SDK1: variants seen among roughly 807,000 people sequenced by gnomAD.
The protein encoded by SDK1 is sidekick cell adhesion molecule 1, also known as protein sidekick-1.
In SDK1, 157 loss-of-function variants were observed where a neutral mutation model predicts 245.5. The observed-to-expected ratio is 0.64, with a 90% confidence interval of 0.56 to 0.73. The LOEUF (loss-of-function observed/expected upper bound fraction) is 0.73. Among genes scored for constraint, SDK1 ranks in the 30% least tolerant of loss-of-function variants. The probability of loss-of-function intolerance (pLI) is 0.00; values close to 1 mark genes in which losing one functional copy is unlikely to be tolerated. For missense variants in SDK1, 3,583 were observed against 3,002.3 expected (o/e 1.19, Z -4.52); for synonymous variants, 1,647 against 1,278.5 (o/e 1.29, Z -6.15).
At chr7:4,054,662 G>A (rs1779093224) in intron 19 of SDK1, among the ~76,000 whole-genome samples, 1 of 152,044 alleles carries the variant, frequency 6.6e-6, no homozygotes, top group Non-Finnish European at 1.5e-5. Context: ...CTAGTACTAT[G>A]CTGAATAAGA....
At chr7:4,185,726 A>T (rs1007348112) in intron 35 of SDK1, among the ~76,000 whole-genome samples, 7 of 152,136 alleles carry the variant, frequency 4.6e-5, no homozygotes, top group African/African-American at 1.7e-4. Context: ...TTTCTCTCTG[A>T]GTTCCATGAG....
At chr7:3,379,441 G>A (rs960489011) in intron 1 of SDK1, among the ~76,000 whole-genome samples, 2 of 152,196 alleles carry the variant, frequency 1.3e-5, no homozygotes, top group Admixed American at 6.5e-5. Flanking sequence ...AAGAAAAGGA[G>A]TGACTCAGTG....
At chr7:3,612,021 C>G (rs1268457668) in intron 1 of SDK1, among the ~76,000 whole-genome samples, 1 of 152,102 alleles carries the variant, frequency 6.6e-6, no homozygotes, top group East Asian at 1.9e-4. Context: ...ATTGTATCTT[C>G]TCACTCCTAA....
intron 40 of SDK1, among the ~76,000 whole-genome samples, chr7:4,231,019 G>A (rs1157704911): frequency 6.6e-6 from 1 of 152,098 alleles, no homozygotes; most frequent in Admixed American, 6.5e-5. Flanking sequence ...GGAGGAGGGG[G>A]CAACAGTTCT....
intron 1 of SDK1, among the ~76,000 whole-genome samples, chr7:3,453,729 C>T (rs1038316385): frequency 1.3e-5 from 2 of 149,180 alleles, no homozygotes; most frequent in South Asian, 2.1e-4. Context: ...ACAGGTGCAC[C>T]ACCATGTCTG....
At chr7:3,951,145 TC>T in intron 6 of SDK1, 111 bp downstream of exon 6, 1 of 814,054 alleles carries the variant, frequency 1.2e-6, no homozygotes, top group Admixed American at 2.1e-5. Flanking sequence ...GCGACAGTGG[TC>T]TTGTTTGGCC....
chr7:3,317,775 T>A (rs1779699801), intron 1 of SDK1, among the ~76,000 whole-genome samples: 1 of 152,252 alleles, frequency 6.6e-6, no homozygotes, highest in African/African-American at 2.4e-5. Flanking sequence ...GGATGCTTGA[T>A]TAAAATAAGT....
rs766210547 is a variant in SDK1 at position 4,050,714 on chromosome 7, G to T, written c.2719-924G>T. Among the ~76,000 whole-genome samples, 44 of 152,016 alleles carry T rather than the reference G, an allele frequency of 2.9e-4. 1 individual carries two copies. The highest frequency in any genetic ancestry group is 3.4e-3 in the Middle Eastern group (1 of 294). On this transcript the variant is annotated intron_variant, in intron 18 of 44. Coordinates refer to ENST00000404826, the MANE Select transcript of SDK1 (RefSeq NM_152744.4). Reference sequence around the variant, plus strand: ...TGTGATATAAATTATAAATAATTAAGATTATTGCTGTTGAATCATGGATGT... The same window carrying T: ...TGTGATATAAATTATAAATAATTAATATTATTGCTGTTGAATCATGGATGT...
chr7:3,987,426 T>G, intron 14 of SDK1, 104 bp downstream of exon 14: 1 of 1,171,878 alleles, frequency 8.5e-7, no homozygotes. Context: ...AAACAACTAC[T>G]AAAATGCTGT....
chr7:3,933,583 C>G (rs1260921480), intron 5 of SDK1, among the ~76,000 whole-genome samples: 1 of 152,176 alleles, frequency 6.6e-6, no homozygotes, highest in African/African-American at 2.4e-5. Context: ...AGATTTTCTT[C>G]CTCAGAGTTC....
chr7:4,085,057 G>A (rs1008580728), intron 22 of SDK1, among the ~76,000 whole-genome samples: 6 of 151,984 alleles, frequency 3.9e-5, no homozygotes, highest in Admixed American at 1.3e-4. Context: ...AGCCCACTGC[G>A]CCCAGCCTAA....
At chr7:3,994,657 A>G (rs969432305) in intron 14 of SDK1, among the ~76,000 whole-genome samples, 5 of 151,856 alleles carry the variant, frequency 3.3e-5, no homozygotes, top group African/African-American at 7.3e-5. Context: ...AAAAAAAAAA[A>G]AGAGAAAAAC....
Position 3,862,109 on chromosome 7 carries a change from A to G in SDK1, c.847+40526A>G, listed in dbSNP as rs148367917. 7.7e-3 allele frequency among the ~76,000 whole-genome samples: 1,174 copies of G among 152,338 alleles called. 4 individuals are homozygous for G. The highest frequency in any genetic ancestry group is 0.012 in the Non-Finnish European group (808 of 68,034). ...TTTCCTGCAGAAACATCTCATTTGAATTACTACATGGACAGATCCATCTAC... is the reference window on the plus strand; with the variant it reads ...TTTCCTGCAGAAACATCTCATTTGAGTTACTACATGGACAGATCCATCTAC... On this transcript the variant is annotated intron_variant, in intron 5 of 44. Coordinates refer to ENST00000404826, the MANE Select transcript of SDK1 (RefSeq NM_152744.4).
intron 2 of SDK1, among the ~76,000 whole-genome samples, chr7:3,635,017 C>T (rs1025594822): frequency 6.6e-6 from 1 of 152,188 alleles, no homozygotes; most frequent in Non-Finnish European, 1.5e-5. Flanking sequence ...ACTGCAATTA[C>T]TTGTGCTATT....
intron 1 of SDK1, among the ~76,000 whole-genome samples, chr7:3,402,662 G>T (rs1778921503): frequency 6.6e-6 from 1 of 151,986 alleles, no homozygotes; most frequent in Non-Finnish European, 1.5e-5. Flanking sequence ...CCATTTTTGA[G>T]GTGTTTAAAT....
At chr7:4,198,804 T>C (rs1783725575) in intron 35 of SDK1, among the ~76,000 whole-genome samples, 1 of 143,786 alleles carries the variant, frequency 7.0e-6, no homozygotes, top group Non-Finnish European at 1.5e-5. Flanking sequence ...TTCTTTCTTT[T>C]TTCTTTGCTT....
At chr7:4,126,877 A>G (rs1784423378) in intron 25 of SDK1, among the ~76,000 whole-genome samples, 1 of 152,140 alleles carries the variant, frequency 6.6e-6, no homozygotes, top group Non-Finnish European at 1.5e-5. Flanking sequence ...TCATTGTGGG[A>G]TTAGATGCAA....
chr7:4,011,061 G>T lies in SDK1; in HGVS notation c.2227G>T (p.Val743Leu), dbSNP rs770661738. The T allele has an allele frequency of 6.2e-7, 1 of 1,614,156 alleles. No homozygotes were observed. Reference sequence around the variant, plus strand: ...TCCGGCTCGTACCTATCAATTCCGGGTGTGCGCGGTGAATGAAGTGGGCAG... The same window carrying T: ...TCCGGCTCGTACCTATCAATTCCGGTTGTGCGCGGTGAATGAAGTGGGCAG... Reference protein sequence around the residue: ...LTPARTYQFRVCAVNEVGRGQ... With the variant: ...LTPARTYQFRLCAVNEVGRGQ... The change falls in exon 15 of 45, where the codon GTG (valine) becomes TTG (leucine). Residue 743 changes from valine (V) to leucine (L), a missense_variant. Transcript: ENST00000404826.
chr7:3,555,194 T>G (rs1583161050), intron 1 of SDK1, among the ~76,000 whole-genome samples: 1 of 152,252 alleles, frequency 6.6e-6, no homozygotes, highest in East Asian at 1.9e-4. Context: ...ACTACAGAGC[T>G]ATAGTAACCA....
Sources: gnomAD v4.1 joint callset for allele counts (sites outside exome capture counted in the v4.1 genomes callset) on GRCh38, gnomAD v4.1.1 for gene constraint, MANE v1.5 for transcripts, NCBI Gene and HGNC (gene_info 2026-07-23, HGNC 2026-07-21) for gene names.